Variants in PTPRK observed in about 807,000 individuals in gnomAD.
PTPRK encodes the protein protein tyrosine phosphatase receptor type K.
In PTPRK, 75 loss-of-function variants were observed where a neutral mutation model predicts 178.0. The ratio of observed to expected loss-of-function variants is 0.42; its 90% CI spans 0.35 to 0.51. PTPRK has a LOEUF of 0.51. PTPRK is among the 20% of genes least tolerant of loss of function. The pLI, the probability that PTPRK is intolerant of heterozygous loss-of-function variation, is 0.02. For synonymous variants in PTPRK, 637 were observed against 620.6 expected (o/e 1.03, Z -0.39); for missense variants, 1,441 against 1,797.8 (o/e 0.80, Z 3.59).
At chr6:128,489,097 A>G (rs1853394155) in intron 1 of PTPRK, among the ~76,000 whole-genome samples, 1 of 152,210 alleles carries the variant, frequency 6.6e-6, no homozygotes, top group Non-Finnish European at 1.5e-5. Context: ...TTAATAATTC[A>G]TGTGATTCTC....
chr6:128,116,789 A>C (rs1247651791), intron 7 of PTPRK, among the ~76,000 whole-genome samples: 1 of 152,248 alleles, frequency 6.6e-6, no homozygotes, highest in Admixed American at 6.5e-5. Flanking sequence ...TGTGTTGAGC[A>C]ATCATTTATG....
chr6:128,438,840 G>T (rs1477705402), intron 1 of PTPRK, among the ~76,000 whole-genome samples: 1 of 151,952 alleles, frequency 6.6e-6, no homozygotes, highest in African/African-American at 2.4e-5. Flanking sequence ...AGAGCTCCTA[G>T]TACTCCTGGT....
At position 128,423,235 on chromosome 6, in the gene PTPRK, CT is replaced by C. The variant is rs554765430; in HGVS notation, c.101-25548del. 3.1e-4 allele frequency among the ~76,000 whole-genome samples: 47 copies of C among 152,136 alleles called. 1 individual carries two copies. The South Asian group carries it at 9.8e-3, about 32-fold the overall frequency. ...AGCCATCACAAACAGATTTCTAGGACTTTTTTTGAGAAGAAGAAAATAGGAT... is the reference window on the plus strand; with the variant it reads ...AGCCATCACAAACAGATTTCTAGGACTTTTTTGAGAAGAAGAAAATAGGAT... On this transcript the variant is annotated intron_variant, in intron 1 of 29. Transcript: ENST00000368226.
At chr6:128,386,855 A>G (rs947426133) in intron 2 of PTPRK, among the ~76,000 whole-genome samples, 2 of 151,996 alleles carry the variant, frequency 1.3e-5, no homozygotes, top group African/African-American at 4.8e-5. Flanking sequence ...ATCACATAAG[A>G]TCAGGAGTTT....
intron 13 of PTPRK, among the ~76,000 whole-genome samples, chr6:128,048,129 C>T (rs769972086): frequency 4.6e-5 from 7 of 152,150 alleles, no homozygotes; most frequent in African/African-American, 7.2e-5. Context: ...ATTACATCTA[C>T]GACGCTAAAC....
intron 3 of PTPRK, among the ~76,000 whole-genome samples, chr6:128,296,139 T>C (rs1029343453): frequency 6.6e-6 from 1 of 151,992 alleles, no homozygotes; most frequent in Admixed American, 6.6e-5. Flanking sequence ...CTCCTCTTTC[T>C]CCTCTCCCCT....
At chr6:128,304,114 C>G (rs906856495) in intron 3 of PTPRK, among the ~76,000 whole-genome samples, 1 of 152,238 alleles carries the variant, frequency 6.6e-6, no homozygotes, top group Non-Finnish European at 1.5e-5. Flanking sequence ...AAGAGAGGCA[C>G]AGTAGTGCCT....
intron 3 of PTPRK, among the ~76,000 whole-genome samples, chr6:128,276,240 T>C (rs1321873569): frequency 1.3e-5 from 2 of 152,086 alleles, no homozygotes; most frequent in Non-Finnish European, 2.9e-5. Context: ...TCTTTATTTG[T>C]CTACTAATAG....
At chr6:128,092,236 AC>A (rs1787103484) in intron 7 of PTPRK, among the ~76,000 whole-genome samples, 1 of 152,158 alleles carries the variant, frequency 6.6e-6, no homozygotes, top group African/African-American at 2.4e-5. Flanking sequence ...TTTGAAATTG[AC>A]ATTTTTTTCC....
intron 11 of PTPRK, among the ~76,000 whole-genome samples, chr6:128,068,605 C>T (rs545063408): frequency 4.6e-5 from 7 of 151,888 alleles, no homozygotes; most frequent in African/African-American, 1.7e-4. Context: ...AAAGATCCCC[C>T]GGATATCTAA....
chr6:128,119,879 A>G (rs1792172073), intron 7 of PTPRK, among the ~76,000 whole-genome samples: 1 of 152,046 alleles, frequency 6.6e-6, no homozygotes, highest in South Asian at 2.1e-4. Flanking sequence ...TATACCAGGC[A>G]ATTATTTAGG....
intron 1 of PTPRK, among the ~76,000 whole-genome samples, chr6:128,414,126 A>G (rs1451655063): frequency 6.6e-6 from 1 of 152,174 alleles, no homozygotes; most frequent in Admixed American, 6.5e-5. Flanking sequence ...TATTCATCCT[A>G]AATATACTTA....
At chr6:128,454,795 G>T (rs28531950) in intron 1 of PTPRK, among the ~76,000 whole-genome samples, 10,399 of 151,918 alleles carry the variant, frequency 0.068, 672 homozygotes, top group African/African-American at 0.18. Context: ...TGTAATGTGG[G>T]TCTGCTCATG....
intron 7 of PTPRK, among the ~76,000 whole-genome samples, chr6:128,099,657 T>A (rs1319449471): frequency 6.6e-6 from 1 of 152,044 alleles, no homozygotes; most frequent in Non-Finnish European, 1.5e-5. Context: ...TGATACACAC[T>A]TTAACACCTC....
chr6:128,431,575 C>A (rs577467184), intron 1 of PTPRK, among the ~76,000 whole-genome samples: 3 of 152,176 alleles, frequency 2.0e-5, no homozygotes, highest in African/African-American at 7.2e-5. Context: ...AATGAAATGC[C>A]ATTTTAGTTA....
rs1825855303 is a variant in PTPRK, at chr6:128,302,901, A to G, written c.495+19138T>C. 2.6e-5 allele frequency among the ~76,000 whole-genome samples: 4 copies of G among 152,102 alleles called. No homozygotes were observed. The South Asian group carries it at 8.3e-4, about 32-fold the overall frequency. On this transcript the variant is annotated intron_variant, in intron 3 of 29. Transcript: ENST00000368226. ...AGCCAATGGCACATGGCTGGCCCAC[A>G]GTCACCTAAACCAGCATCTTCAACC... is the stretch of plus-strand genomic sequence containing the variant.
chr6:128,119,846 T>C (rs1030940212), intron 7 of PTPRK, among the ~76,000 whole-genome samples: 1 of 152,074 alleles, frequency 6.6e-6, no homozygotes, highest in Non-Finnish European at 1.5e-5. Context: ...TAAGGAAAGT[T>C]TGGATGTATT....
intron 3 of PTPRK, among the ~76,000 whole-genome samples, chr6:128,258,599 A>C (rs1817699700): frequency 6.6e-6 from 1 of 152,214 alleles, no homozygotes; most frequent in Admixed American, 6.5e-5. Context: ...ACATAAAACA[A>C]AGTTGATGTC....
rs570820725 is a variant in PTPRK, at chr6:128,519,926, G to C, written c.100+333C>G. Among the ~76,000 whole-genome samples the C allele has an allele frequency of 6.6e-5, 10 of 152,304 alleles. No homozygotes were observed. The highest frequency in any genetic ancestry group is 5.9e-4 in the Admixed American group (9 of 15,304). On this transcript the variant is annotated intron_variant, in intron 1 of 29. Transcript: ENST00000368226. This position sits in a 1 kb window ranked among gnomAD's most constrained non-coding sequence, Gnocchi z 4.3. Reference sequence around the variant, plus strand: ...ACAAACCCGCACCACAAGCAACAGAGTGCCGTCACGGGAGTCGTAACTACT... The same window carrying C: ...ACAAACCCGCACCACAAGCAACAGACTGCCGTCACGGGAGTCGTAACTACT...
Sources: gnomAD v4.1 joint callset for allele counts (sites outside exome capture counted in the v4.1 genomes callset) on GRCh38, gnomAD v4.1.1 for gene constraint, Gnocchi (gnomAD v3.1) non-coding constraint, MANE v1.5 for transcripts, NCBI Gene and HGNC (gene_info 2026-07-23, HGNC 2026-07-21) for gene names.